MDM4: variants seen among roughly 807,000 people sequenced by gnomAD.
MDM4 encodes the protein MDM4 regulator of p53.
MDM4 carries 2 observed loss-of-function variants against 60.2 expected under a neutral mutation model. The ratio of observed to expected loss-of-function variants is 0.03; its 90% CI spans 0.01 to 0.10. The LOEUF (loss-of-function observed/expected upper bound fraction) is 0.10, where lower values mean the gene tolerates loss of function less well. MDM4 is among the 10% of genes least tolerant of loss of function. MDM4 has a pLI of 1.00. For missense variants in MDM4, 447 were observed against 577.5 expected, an observed-to-expected ratio of 0.77 and a Z score of 2.32; for synonymous variants, 202 against 198.1, an observed-to-expected ratio of 1.02 and a Z score of -0.17.
chr1:204,542,568 G>A (rs1333185568), intron 7 of MDM4, among the ~76,000 whole-genome samples: 1 of 151,770 alleles, frequency 6.6e-6, no homozygotes, highest in East Asian at 1.9e-4. Context: ...GATAAACGAT[G>A]ATCTGTTTGT....
chr1:204,520,836 AC>A (rs1659501649), intron 1 of MDM4, among the ~76,000 whole-genome samples: 1 of 152,220 alleles, frequency 6.6e-6, no homozygotes, highest in Non-Finnish European at 1.5e-5. Flanking sequence ...TGTTTGTGCC[AC>A]TGTACTCCAG....
intron 1 of MDM4, among the ~76,000 whole-genome samples, chr1:204,523,473 ATTTT>A (rs60954516): frequency 1.7e-3 from 102 of 58,970 alleles, no homozygotes; most frequent in African/African-American, 5.2e-3. Flanking sequence ...CCTAAAAAAA[ATTTT>A]TTTTTTTTTT....
chr1:204,554,047 G>T lies in MDM4; in HGVS notation c.*4365G>T. 1 of 227,138 alleles carries T rather than the reference G, an allele frequency of 4.4e-6. No individual in the cohort carries two copies. The highest frequency in any genetic ancestry group is 8.7e-6 in the Non-Finnish European group (1 of 114,306). 14.1% of individuals were successfully genotyped at this position (227,138 alleles called of 1,614,324 possible). A position where few individuals can be genotyped will look rare whatever the true frequency, so the allele number is the denominator to read the frequency against. Reference sequence around the variant, plus strand: ...GTTAGATGTATGTAGTGCATTGTGTGGTATTATTTGGTTTGTAAGAATTTA... The same window carrying T: ...GTTAGATGTATGTAGTGCATTGTGTTGTATTATTTGGTTTGTAAGAATTTA... On this transcript the variant is annotated 3_prime_UTR_variant, in exon 11 of 11. Transcript: ENST00000367182.
chr1:204,528,213 C>G (rs1047341801), intron 3 of MDM4, among the ~76,000 whole-genome samples: 6 of 151,990 alleles, frequency 3.9e-5, no homozygotes, highest in Admixed American at 1.3e-4. Flanking sequence ...AGATGGAAGC[C>G]GAGCAGAGCG....
chr1:204,530,920 G>C, intron 4 of MDM4, 103 bp downstream of exon 4: 1 of 1,460,554 alleles, frequency 6.8e-7, no homozygotes, highest in Middle Eastern at 1.8e-4. Flanking sequence ...AAATATGTAA[G>C]AGCCTACATA....
chr1:204,518,592 T>G (rs1659230024), intron 1 of MDM4, among the ~76,000 whole-genome samples: 1 of 152,174 alleles, frequency 6.6e-6, no homozygotes, highest in South Asian at 2.1e-4. Context: ...GTATATGGTG[T>G]GTGAATGACC....
At chr1:204,536,443 A>C (rs1325871699) in intron 5 of MDM4, among the ~76,000 whole-genome samples, 1 of 152,220 alleles carries the variant, frequency 6.6e-6, no homozygotes, top group African/African-American at 2.4e-5. Context: ...AACCGCATTG[A>C]CAGATCAGTT....
At chr1:204,525,151 C>A (rs1659989407) in intron 1 of MDM4, among the ~76,000 whole-genome samples, 1 of 152,188 alleles carries the variant, frequency 6.6e-6, no homozygotes, top group Non-Finnish European at 1.5e-5. Flanking sequence ...AGAGAGTGCT[C>A]TACCTGATAA....
chr1:204,537,876 C>G (rs770659594), intron 6 of MDM4: 39 of 674,028 alleles, frequency 5.8e-5, no homozygotes, highest in Non-Finnish European at 2.8e-6. Context: ...TTATAGTCAT[C>G]TTGGTACGTG....
chr1:204,526,397 C>G lies in MDM4; in HGVS notation c.116C>G (p.Ala39Gly), dbSNP rs1660150338. 6.2e-7 allele frequency: 1 copy of G among 1,613,842 alleles called. No homozygotes were observed. Among genetic ancestry groups the G allele is most frequent in the Non-Finnish European group, 8.5e-7 (1 of 1,179,904 alleles). The change falls in exon 3 of 11, where the codon GCA (alanine) becomes GGA (glycine). Residue 39 changes from alanine (A) to glycine (G), a missense_variant. Coordinates refer to ENST00000367182, the MANE Select transcript of MDM4 (RefSeq NM_002393.5). Reference protein sequence around the residue: ...PKLPLLKILHAAGAQGEMFTV... With the variant: ...PKLPLLKILHGAGAQGEMFTV... ...CTGCCGCTTTTGAAGATTTTGCATGCAGCAGGTGCGCAAGGTGAAATGTTC... is the reference window on the plus strand; with the variant it reads ...CTGCCGCTTTTGAAGATTTTGCATGGAGCAGGTGCGCAAGGTGAAATGTTC...
At chr1:204,543,780 C>T (rs958387269) in intron 8 of MDM4, among the ~76,000 whole-genome samples, 1 of 152,194 alleles carries the variant, frequency 6.6e-6, no homozygotes, top group Non-Finnish European at 1.5e-5. Context: ...ATTTTATTCT[C>T]CATAGTACTT....
chr1:204,525,527 A>G lies in MDM4; in HGVS notation c.9A>G (p.Ser3=), dbSNP rs764353353. The G allele has an allele frequency of 6.2e-7, 1 of 1,609,192 alleles. No individual in the cohort carries two copies. Among genetic ancestry groups the G allele is most frequent in the Non-Finnish European group, 8.5e-7 (1 of 1,178,862 alleles). The change falls in exon 2 of 11, where the codon TCA becomes TCG. Residue 3 remains serine (S), a synonymous_variant. Transcript: ENST00000367182. Reference sequence around the variant, plus strand: ...GTTTCTTCACTACCAAAATGACATCATTTTCCACCTCTGCTCAGTGTTCAA... The same window carrying G: ...GTTTCTTCACTACCAAAATGACATCGTTTTCCACCTCTGCTCAGTGTTCAA... MT[S]FSTSAQCSTS... is the part of the protein sequence containing the mutation.
rs899349495 is a variant in MDM4 at position 204,553,264 on chromosome 1, G to A, written c.*3582G>A. 1.5e-5 allele frequency: 3 copies of A among 201,462 alleles called. No individual in the cohort carries two copies. The highest frequency in any genetic ancestry group is 1.2e-4 in the Admixed American group (2 of 16,636). 12.5% of individuals were successfully genotyped at this position (201,462 alleles called of 1,614,324 possible). On this transcript the variant is annotated 3_prime_UTR_variant, in exon 11 of 11. Coordinates refer to ENST00000367182, the MANE Select transcript of MDM4 (RefSeq NM_002393.5). ...ACTCACTGCCACTAAACTAAAGCAA[G>A]GCATAGTTTATATGTGAAGTGTTCA...
In MDM4 at chr1:204,523,020, G is replaced by A. The variant is rs531413804; in HGVS notation, c.-35-2464G>A. On this transcript the variant is annotated intron_variant, in intron 1 of 10. Transcript: ENST00000367182. ...TGGGATTACATGCATGTGCCACCAC[G>A]CTCGCCTAATTTTTGGAGCTTTAGT... Among the ~76,000 whole-genome samples the A allele has an allele frequency of 6.7e-4, 101 of 151,650 alleles. 1 individual carries two copies. Among genetic ancestry groups the A allele is most frequent in the Middle Eastern group, 3.4e-3 (1 of 292 alleles).
At chr1:204,517,401 T>C (rs1659094914) in intron 1 of MDM4, among the ~76,000 whole-genome samples, 1 of 151,976 alleles carries the variant, frequency 6.6e-6, no homozygotes, top group Non-Finnish European at 1.5e-5. Context: ...GTTGTGTTTT[T>C]GTTTTGTTTT....
chr1:204,527,728 C>A (rs4252685), intron 3 of MDM4, among the ~76,000 whole-genome samples: 86,678 of 151,692 alleles, frequency 0.57, 27,400 homozygotes, highest in Non-Finnish European at 0.69. Flanking sequence ...TATTTAGCTT[C>A]TGAAGTTTTT....
At chr1:204,535,531 T>C (rs1279774717) in intron 5 of MDM4, among the ~76,000 whole-genome samples, 1 of 151,868 alleles carries the variant, frequency 6.6e-6, no homozygotes, top group Non-Finnish European at 1.5e-5. Context: ...TGACTAACTT[T>C]GTGTGTGTTT....
At chr1:204,532,102 AG>A in intron 4 of MDM4, 88 bp from the exon 5 acceptor site, 1 of 778,960 alleles carries the variant, frequency 1.3e-6, no homozygotes, top group Non-Finnish European at 2.2e-6. Context: ...AGATAACATC[AG>A]AAATACATTT....
intron 3 of MDM4, chr1:204,528,847 A>T: frequency 6.5e-7 from 1 of 1,548,404 alleles, no homozygotes; most frequent in Admixed American, 1.7e-5. Flanking sequence ...GGGTTGGGTC[A>T]TAGCATCCGA....
Sources: allele counts gnomAD v4.1 joint callset (sites outside exome capture counted in the v4.1 genomes callset), GRCh38; gene constraint gnomAD v4.1.1; transcripts MANE v1.5; gene names NCBI Gene and HGNC (gene_info 2026-07-23, HGNC 2026-07-21).